The following SYT9 variants were observed in gnomAD, a reference collection of about 807,000 sequenced individuals.
SYT9 encodes synaptotagmin 9.
In SYT9, 22 loss-of-function variants were observed where a neutral mutation model predicts 48.4. The observed-to-expected ratio is 0.45, with a 90% CI of 0.32 to 0.65. The LOEUF (loss-of-function observed/expected upper bound fraction) is 0.65. Ranked by LOEUF, SYT9 falls within the 30% of genes least tolerant of loss-of-function variation. SYT9 has a pLI of 0.03. For missense variants in SYT9, 577 were observed against 622.0 expected (o/e 0.93, Z 0.77); for synonymous variants, 265 against 245.0 (o/e 1.08, Z -0.76).
chr11:7,308,190 C>T (rs1243448557), intron 2 of SYT9, among the ~76,000 whole-genome samples: 2 of 152,214 alleles, frequency 1.3e-5, no homozygotes, highest in Non-Finnish European at 1.5e-5. Context: ...TTCCATAATT[C>T]CCTGCCTTGA....
rs140009995 is a variant in SYT9, at chr11:7,279,055, C to G, written c.146-23984C>G. Among the ~76,000 whole-genome samples, 731 of 152,204 alleles carry G rather than the reference C, an allele frequency of 4.8e-3. 5 individuals are homozygous for G. The highest frequency in any genetic ancestry group is 0.017 in the African/African-American group (691 of 41,534). On this transcript the variant is annotated intron_variant, in intron 1 of 6. Coordinates refer to ENST00000318881, the MANE Select transcript of SYT9 (RefSeq NM_175733.4). The stretch of plus-strand genomic sequence containing the variant: ...GAGAGGGAGTAATGATAACAGATGC[C>G]AGAAAACATCCAACAGAGGCAGGAG...
At chr11:7,341,066 T>C (rs1849704478) in intron 3 of SYT9, among the ~76,000 whole-genome samples, 1 of 152,182 alleles carries the variant, frequency 6.6e-6, no homozygotes, top group Non-Finnish European at 1.5e-5. Context: ...AAGCTGTTAC[T>C]AGCTGGAAAA....
chr11:7,409,091 T>C (rs148399734), intron 3 of SYT9, among the ~76,000 whole-genome samples: 127 of 152,338 alleles, frequency 8.3e-4, no homozygotes, highest in African/African-American at 2.9e-3. Context: ...ACTTGGTTTA[T>C]TGAGAGTTTT....
chr11:7,302,436 A>G (rs189329265), intron 1 of SYT9, among the ~76,000 whole-genome samples: 134 of 152,292 alleles, frequency 8.8e-4, no homozygotes, highest in Middle Eastern at 3.4e-3. Flanking sequence ...CCAAACTACA[A>G]TATTCTATCC....
intron 3 of SYT9, among the ~76,000 whole-genome samples, chr11:7,320,953 A>C (rs1353047883): frequency 6.6e-6 from 1 of 152,146 alleles, no homozygotes; most frequent in African/African-American, 2.4e-5. Context: ...GTCTGTCAGG[A>C]CGATCCTCTT....
intron 3 of SYT9, among the ~76,000 whole-genome samples, chr11:7,409,598 G>A (rs1847094146): frequency 6.6e-6 from 1 of 151,862 alleles, no homozygotes. Context: ...TTCAATCTTG[G>A]TAGCTTGTAT....
In SYT9 at chr11:7,245,018, T is replaced by C. The variant is rs140418626; in HGVS notation, c.49+6102T>C. Among the ~76,000 whole-genome samples the C allele has an allele frequency of 7.9e-5, 12 of 152,268 alleles. No individual in the cohort carries two copies. The South Asian group carries it at 2.1e-3, about 26-fold the overall frequency. On this transcript the variant is annotated intron_variant and NMD_transcript_variant, in intron 1 of 8. Coordinates refer to the SYT9 transcript ENST00000524820. ...CAGCACACGTAGAAGACAGATAAGA[T>C]GATGAGAGAACCTGAGCAATGTCAC... is the stretch of plus-strand genomic sequence containing the variant.
rs554470331 is a variant in SYT9, at chr11:7,385,606, A to G, written c.1045-30436A>G. On this transcript the variant is annotated intron_variant, in intron 3 of 6. Transcript: ENST00000318881. ...GTATACCAAATCCCCATGATACACA[A>G]TTTACCTATATAACAAACCTGCACA... Among the ~76,000 whole-genome samples the G allele has an allele frequency of 8.5e-5, 13 of 152,170 alleles. No individual in the cohort carries two copies. In the South Asian group the frequency reaches 2.3e-3, roughly 27 times the overall value.
chr11:7,285,133 A>G (rs1385438256), intron 1 of SYT9, among the ~76,000 whole-genome samples: 1 of 152,170 alleles, frequency 6.6e-6, no homozygotes, highest in African/African-American at 2.4e-5. Context: ...TTTGGGAGCT[A>G]AAGATGAGGC....
chr11:7,398,626 A>G (rs1266531190), intron 3 of SYT9, among the ~76,000 whole-genome samples: 1 of 152,000 alleles, frequency 6.6e-6, no homozygotes, highest in African/African-American at 2.4e-5. Context: ...TAGCCAGGAC[A>G]GTCTCGATTA....
chr11:7,399,657 A>T (rs1383944977), intron 3 of SYT9, among the ~76,000 whole-genome samples: 2 of 152,236 alleles, frequency 1.3e-5, no homozygotes, highest in Admixed American at 6.5e-5. Context: ...TTTTGGTGTT[A>T]TTGCCCCAGC....
At chr11:7,260,138 A>G (rs1848050197) in intron 1 of SYT9, among the ~76,000 whole-genome samples, 1 of 152,188 alleles carries the variant, frequency 6.6e-6, no homozygotes, top group African/African-American at 2.4e-5. Context: ...GCTATGTACA[A>G]GGTTGGGCAT....
At chr11:7,299,192 CTT>C (rs1269460985) in intron 1 of SYT9, among the ~76,000 whole-genome samples, 6 of 152,134 alleles carry the variant, frequency 3.9e-5, no homozygotes, top group African/African-American at 1.4e-4. Flanking sequence ...TACCACCTAA[CTT>C]AAGAAATAAC....
At chr11:7,306,843 C>T (rs180862780) in intron 2 of SYT9, among the ~76,000 whole-genome samples, 7 of 152,186 alleles carry the variant, frequency 4.6e-5, no homozygotes, top group Non-Finnish European at 7.3e-5. Flanking sequence ...TTGTACTCCC[C>T]TCTAGACTGA....
chr11:7,421,928 A>G (rs1847363442), intron 6 of SYT9, among the ~76,000 whole-genome samples: 1 of 152,244 alleles, frequency 6.6e-6, no homozygotes, highest in Non-Finnish European at 1.5e-5. Context: ...GGAGATTGTG[A>G]AGCATCTCTC....
intron 1 of SYT9, among the ~76,000 whole-genome samples, chr11:7,269,164 A>G (rs1315064672): frequency 2.6e-5 from 4 of 151,716 alleles, no homozygotes; most frequent in African/African-American, 7.3e-5. Context: ...ATTTTGTGCT[A>G]TTGTGACATG....
intron 3 of SYT9, among the ~76,000 whole-genome samples, chr11:7,346,362 A>G (rs1341613791): frequency 6.6e-6 from 1 of 152,232 alleles, no homozygotes; most frequent in African/African-American, 2.4e-5. Context: ...CCTGTGGCTG[A>G]GACCCCATCG....
intron 1 of SYT9, among the ~76,000 whole-genome samples, chr11:7,262,955 C>A (rs1589894629): frequency 6.6e-6 from 1 of 152,166 alleles, no homozygotes; most frequent in East Asian, 1.9e-4. Flanking sequence ...GGAGACTTAA[C>A]AGCACCAAGG....
chr11:7,275,690 C>G (rs1848376364), intron 1 of SYT9, among the ~76,000 whole-genome samples: 1 of 152,174 alleles, frequency 6.6e-6, no homozygotes, highest in Non-Finnish European at 1.5e-5. Flanking sequence ...ATCTAGCCAC[C>G]TCCTGGACAT....
Sources: gnomAD v4.1 joint callset for allele counts (sites outside exome capture counted in the v4.1 genomes callset) on GRCh38, gnomAD v4.1.1 for gene constraint, MANE v1.5 for transcripts, NCBI Gene and HGNC (gene_info 2026-07-23, HGNC 2026-07-21) for gene names.